ACLY: variants seen among roughly 807,000 people sequenced by gnomAD.
ACLY encodes the protein ATP citrate lyase, also known as ATP-citrate synthase.
A neutral mutation model predicts 133.0 loss-of-function variants in ACLY; 41 were observed. That is an observed-to-expected ratio of 0.31 (90% confidence interval 0.24 to 0.40). The LOEUF is 0.40. Among genes scored for constraint, ACLY ranks in the 10% least tolerant of loss-of-function variants. The probability of loss-of-function intolerance (pLI) is 1.00; values close to 1 mark genes in which losing one functional copy is unlikely to be tolerated. For missense variants in ACLY, 1,046 were observed against 1,453.8 expected, an observed-to-expected ratio of 0.72 and a Z score of 4.56; for synonymous variants, 495 against 549.3, an observed-to-expected ratio of 0.90 and a Z score of 1.38.
At chr17:41,901,604 G>C in intron 11 of ACLY, 92 bp downstream of exon 11, 1 of 1,073,548 alleles carries the variant, frequency 9.3e-7, no homozygotes, top group Non-Finnish European at 1.4e-6. Flanking sequence ...GAGAGCAAAA[G>C]AGCCTAAGAC....
At chr17:41,888,438 T>C (rs2049111575) in intron 16 of ACLY, among the ~76,000 whole-genome samples, 1 of 152,226 alleles carries the variant, frequency 6.6e-6, no homozygotes, top group Admixed American at 6.5e-5. Flanking sequence ...CCGAGTCTTG[T>C]CACCATCCCC....
chr17:41,902,753 T>G (rs1229879964), intron 10 of ACLY, among the ~76,000 whole-genome samples: 1 of 152,248 alleles, frequency 6.6e-6, no homozygotes, highest in Admixed American at 6.5e-5. Flanking sequence ...GAGGCTCCCC[T>G]GTCCCAGATT....
chr17:41,910,350 G>A (rs2049865253), intron 3 of ACLY, 66 bp from the exon 4 acceptor site: 2 of 1,451,758 alleles, frequency 1.4e-6, no homozygotes, highest in South Asian at 2.4e-5. Flanking sequence ...GGCAGAAGGA[G>A]GGACTGCACA....
rs2048660253 is a variant in ACLY at position 41,873,763 on chromosome 17, T to C, written c.2642+48A>G. On this transcript the variant is annotated intron_variant, in intron 23 of 28. Coordinates refer to ENST00000352035, the MANE Select transcript of ACLY (RefSeq NM_001096.3). ...CCACCCCTTTGTTGGGGGAAAATCA[T>C]TAACTCTGAGCTGCAGGGCCCTGTA... 8 of 1,485,862 alleles carry C rather than the reference T, an allele frequency of 5.4e-6. No homozygotes were observed. In the East Asian group the frequency reaches 1.7e-4, roughly 32 times the overall value. The allele number at this position is 1,485,862 out of a possible 1,614,324, so 92.0% of individuals were successfully genotyped here. A position where few individuals can be genotyped will look rare whatever the true frequency, so the allele number is the denominator to read the frequency against.
chr17:41,887,768 C>T (rs1288667448), intron 16 of ACLY, 65 bp from the exon 17 acceptor site: 5 of 1,319,358 alleles, frequency 3.8e-6, no homozygotes, highest in East Asian at 2.3e-5. Context: ...AAGACAGCAC[C>T]GTTTAAGGGC....
At chr17:41,896,691 TGGCTGGA>T (rs781958579) in intron 13 of ACLY, 42 bp from the exon 14 acceptor site, 2 of 1,539,338 alleles carry the variant, frequency 1.3e-6, no homozygotes, top group East Asian at 4.8e-5. Context: ...GACCCACTGA[TGGCTGGA>T]GGCTTTGGAG....
chr17:41,901,382 C>T (rs2049535253), intron 11 of ACLY, among the ~76,000 whole-genome samples: 1 of 152,124 alleles, frequency 6.6e-6, no homozygotes, highest in Non-Finnish European at 1.5e-5. Flanking sequence ...AGTTTGTGTC[C>T]TCCGTTCCAT....
intron 12 of ACLY, 69 bp from the exon 13 acceptor site, chr17:41,897,908 A>C (rs1555630741): frequency 7.2e-7 from 1 of 1,383,678 alleles, no homozygotes; most frequent in African/African-American, 1.5e-5. Flanking sequence ...CTGGTCCTTA[A>C]AGGCCCCAAA....
chr17:41,928,456 G>C (rs1377524915), intron 1 of ACLY, among the ~76,000 whole-genome samples: 1 of 151,810 alleles, frequency 6.6e-6, no homozygotes, highest in African/African-American at 2.4e-5. Context: ...CAGAATTTAA[G>C]TTCTCTTTTG....
intron 25 of ACLY, 96 bp from the exon 26 acceptor site, chr17:41,869,683 C>A (rs1337325500): frequency 3.9e-6 from 4 of 1,036,618 alleles, no homozygotes; most frequent in Admixed American, 2.0e-5. Context: ...TGGACATATC[C>A]CAGCGGCGAT....
At chr17:41,914,651 T>TTTAGCC (rs1352362762) in intron 1 of ACLY, among the ~76,000 whole-genome samples, 3 of 152,160 alleles carry the variant, frequency 2.0e-5, no homozygotes, top group African/African-American at 7.2e-5. Context: ...CACTGCGTCA[T>TTTAGCC]CCAGCTGCTA....
chr17:41,905,757 G>T, intron 8 of ACLY, 99 bp from the exon 9 acceptor site: 1 of 1,468,414 alleles, frequency 6.8e-7, no homozygotes, highest in Non-Finnish European at 9.5e-7. Context: ...AAACACTGGA[G>T]TTAGCCTGTG....
intron 6 of ACLY, among the ~76,000 whole-genome samples, chr17:41,908,625 G>A (rs781861835): frequency 6.6e-6 from 1 of 152,196 alleles, no homozygotes; most frequent in African/African-American, 2.4e-5. Context: ...TTAGCCTGGC[G>A]TGGTGGCGGG....
chr17:41,875,496 A>C (rs7212183), intron 22 of ACLY, among the ~76,000 whole-genome samples: 114,369 of 149,254 alleles, frequency 0.77, 43,580 homozygotes, highest in Admixed American at 0.85. Flanking sequence ...TGCCGAGCCG[A>C]AGCTGGACTG....
At chr17:41,887,756 A>G in intron 16 of ACLY, 53 bp from the exon 17 acceptor site, 1 of 1,470,520 alleles carries the variant, frequency 6.8e-7, no homozygotes, top group Non-Finnish European at 9.5e-7. Context: ...AGAAAGGGCA[A>G]CAAGACAGCA....
At chr17:41,875,562 C>G (rs1421313581) in intron 22 of ACLY, among the ~76,000 whole-genome samples, 1 of 152,168 alleles carries the variant, frequency 6.6e-6, no homozygotes, top group Admixed American at 6.5e-5. Context: ...CTGCCTCAGC[C>G]TGCCGAGTGC....
At chr17:41,888,733 C>T (rs1369608737) in intron 16 of ACLY, among the ~76,000 whole-genome samples, 1 of 152,002 alleles carries the variant, frequency 6.6e-6, no homozygotes, top group Non-Finnish European at 1.5e-5. Flanking sequence ...ATCAATTGAA[C>T]CCAGGAGGTT....
At chr17:41,897,698 G>T in intron 13 of ACLY, 51 bp downstream of exon 13, 1 of 1,530,196 alleles carries the variant, frequency 6.5e-7, no homozygotes, top group Non-Finnish European at 8.9e-7. Context: ...GAGATACAGA[G>T]GGTACCGCAA....
chr17:41,880,832 C>T (rs2048893598), intron 20 of ACLY, among the ~76,000 whole-genome samples: 1 of 151,698 alleles, frequency 6.6e-6, no homozygotes, highest in African/African-American at 2.4e-5. Context: ...CACCACTGCA[C>T]TCCAGCCTGG....
Sources: gnomAD v4.1 joint callset for allele counts (sites outside exome capture counted in the v4.1 genomes callset) on GRCh38, gnomAD v4.1.1 for gene constraint, MANE v1.5 for transcripts, NCBI Gene and HGNC (gene_info 2026-07-23, HGNC 2026-07-21) for gene names.